The following BBS12 variants were observed in gnomAD, a reference collection of about 807,000 sequenced individuals.
The protein encoded by BBS12 is Bardet-Biedl syndrome 12, also known as chaperonin-containing T-complex member BBS12.
BBS12 carries 5 observed loss-of-function variants against 5.6 expected under a neutral mutation model. That is an observed-to-expected ratio of 0.89 (90% confidence interval 0.46 to 1.86). BBS12 has a LOEUF of 1.86. Ranked by LOEUF, BBS12 falls within the 40% of genes most tolerant of loss-of-function variation. The pLI is 0.01. For synonymous variants in BBS12, 308 were observed against 306.8 expected (o/e 1.00, Z -0.04); for missense variants, 748 against 830.4 (o/e 0.90, Z 1.22).
the BBS12 span, among the ~76,000 whole-genome samples, chr4:122,720,887 TA>T: frequency 1.7e-3 from 231 of 139,162 alleles, no homozygotes; most frequent in African/African-American, 1.5e-3. Context: ...TCACTCAGAA[TA>T]AAAAAAAAAA....
At chr4:122,715,160 C>T in the BBS12 span, among the ~76,000 whole-genome samples, 376 of 151,630 alleles carry the variant, frequency 2.5e-3, 3 homozygotes, top group African/African-American at 8.4e-3. Flanking sequence ...CACACACACA[C>T]GCAAACTACA....
At chr4:122,717,537 C>CT in the BBS12 span, among the ~76,000 whole-genome samples, 2 of 152,062 alleles carry the variant, frequency 1.3e-5, no homozygotes, top group African/African-American at 4.8e-5. Flanking sequence ...GCTTTTGTTT[C>CT]TTTTTTCTTG....
the BBS12 span, among the ~76,000 whole-genome samples, chr4:122,727,307 C>T: frequency 6.6e-6 from 1 of 152,024 alleles, no homozygotes; most frequent in Non-Finnish European, 1.5e-5. Context: ...TGCAGTGGTG[C>T]GATCTCTGCT....
chr4:122,710,347 G>A, the BBS12 span, among the ~76,000 whole-genome samples: 1 of 152,184 alleles, frequency 6.6e-6, no homozygotes, highest in Non-Finnish European at 1.5e-5. Flanking sequence ...ATCTAAGGCA[G>A]GAGAAACTGG....
the BBS12 span, among the ~76,000 whole-genome samples, chr4:122,708,130 G>A: frequency 1.3e-5 from 2 of 151,510 alleles, no homozygotes; most frequent in Non-Finnish European, 2.9e-5. Flanking sequence ...TCCCACATCA[G>A]CCTCCCGAGT....
the BBS12 span, among the ~76,000 whole-genome samples, chr4:122,710,819 C>T: frequency 3.1e-3 from 474 of 152,006 alleles, 3 homozygotes; most frequent in Non-Finnish European, 5.3e-3. Flanking sequence ...CCACTCAGTT[C>T]CTTCTTCTGC....
chr4:122,702,232 C>A, the BBS12 span, among the ~76,000 whole-genome samples: 1 of 152,194 alleles, frequency 6.6e-6, no homozygotes, highest in Admixed American at 6.5e-5. Context: ...CACATGCCAC[C>A]AGCTAAGTTG....
At chr4:122,721,225 A>G in the BBS12 span, among the ~76,000 whole-genome samples, 1 of 152,216 alleles carries the variant, frequency 6.6e-6, no homozygotes, top group East Asian at 1.9e-4. Context: ...ATTATCCCAG[A>G]TGGAACAACA....
At chr4:122,708,951 A>T in the BBS12 span, among the ~76,000 whole-genome samples, 1 of 152,180 alleles carries the variant, frequency 6.6e-6, no homozygotes, top group Non-Finnish European at 1.5e-5. Context: ...AAAGCATGTA[A>T]AATACTTTGT....
At chr4:122,702,932 AG>A in the BBS12 span, among the ~76,000 whole-genome samples, 1 of 152,262 alleles carries the variant, frequency 6.6e-6, no homozygotes, top group Admixed American at 6.5e-5. Context: ...TAGGAGAATT[AG>A]AATGTTTTAA....
At position 122,744,081 on chromosome 4, in the gene BBS12, A is replaced by C; in HGVS notation, c.*56A>C. ...TTTCATAATATGTCATGCTAATAAT[A>C]AATATATTGATAGCCAAGTCATGGT... On this transcript the variant is annotated 3_prime_UTR_variant, in exon 2 of 2. Transcript: ENST00000314218. 4 of 1,540,478 alleles carry C rather than the reference A, an allele frequency of 2.6e-6. No homozygotes were observed. The highest frequency in any genetic ancestry group is 3.6e-6 in the Non-Finnish European group (4 of 1,116,600).
intron 1 of BBS12, among the ~76,000 whole-genome samples, chr4:122,740,592 G>A (rs1156909916): frequency 2.0e-5 from 3 of 152,200 alleles, no homozygotes; most frequent in South Asian, 2.1e-4. Context: ...TTGTAATCCC[G>A]GCAATTAACA....
chr4:122,718,511 A>G, the BBS12 span, among the ~76,000 whole-genome samples: 1 of 152,186 alleles, frequency 6.6e-6, no homozygotes, highest in East Asian at 1.9e-4. Context: ...GACAGGCTAC[A>G]ATACTTGAGA....
At chr4:122,702,286 A>G in the BBS12 span, among the ~76,000 whole-genome samples, 107,741 of 152,154 alleles carry the variant, frequency 0.71, 40,246 homozygotes, top group East Asian at 0.95. Context: ...TGTTATCCAG[A>G]CTGGAGACCA....
chr4:122,733,587 C>A (rs901961253), intron 1 of BBS12, among the ~76,000 whole-genome samples: 5 of 152,164 alleles, frequency 3.3e-5, no homozygotes, highest in African/African-American at 7.2e-5. Flanking sequence ...AACTCAATCT[C>A]TTGTCCAGAG....
chr4:122,743,341 T>C lies in BBS12; in HGVS notation c.1449T>C (p.Asp483=), dbSNP rs2150737320. Residue 483 remains aspartate (D), a synonymous_variant, in exon 2 of 2, where the codon GAT becomes GAC. Transcript: ENST00000314218. ...GAAGCAGCCCTTTGGATGTTGTAGATAGGAACAACAGAATCGCAATCTTAT... is the reference window on the plus strand; with the variant it reads ...GAAGCAGCCCTTTGGATGTTGTAGACAGGAACAACAGAATCGCAATCTTAT... The part of the protein sequence containing the change: ...FWRSSPLDVV[D]RNNRIAILLK... The C allele has an allele frequency of 3.7e-6, 6 of 1,614,126 alleles. No homozygotes were observed. The highest frequency in any genetic ancestry group is 5.1e-6 in the Non-Finnish European group (6 of 1,180,028).
At chr4:122,712,758 G>C in the BBS12 span, among the ~76,000 whole-genome samples, 5 of 152,186 alleles carry the variant, frequency 3.3e-5, no homozygotes, top group African/African-American at 1.2e-4. Context: ...GTTGTGTAAA[G>C]ACTTCTGTAG....
chr4:122,730,210 T>C (rs537694250), upstream of BBS12: 16 of 152,328 alleles, frequency 1.1e-4, no homozygotes, highest in African/African-American at 3.6e-4. Context: ...AAGGAAAATA[T>C]AAGTTTTGTT....
At chr4:122,708,939 A>G in the BBS12 span, among the ~76,000 whole-genome samples, 1 of 152,238 alleles carries the variant, frequency 6.6e-6, no homozygotes, top group South Asian at 2.1e-4. Flanking sequence ...ACGAACAATG[A>G]TAAAGCATGT....
Sources: allele counts gnomAD v4.1 joint callset (sites outside exome capture counted in the v4.1 genomes callset), GRCh38; gene constraint gnomAD v4.1.1; transcripts MANE v1.5; gene names NCBI Gene and HGNC (gene_info 2026-07-23, HGNC 2026-07-21).